The following ATP13A3 variants were observed in gnomAD, a reference collection of about 807,000 sequenced individuals.
The protein encoded by ATP13A3 is ATPase 13A3.
A neutral mutation model predicts 158.1 loss-of-function variants in ATP13A3; 59 were observed. That is an observed-to-expected ratio of 0.37 (90% CI 0.30 to 0.46). The LOEUF (loss-of-function observed/expected upper bound fraction) is 0.46, where lower values mean the gene tolerates loss of function less well. ATP13A3 is among the 20% of genes least tolerant of loss of function. The probability of loss-of-function intolerance (pLI) is 1.00; values close to 1 mark genes in which losing one functional copy is unlikely to be tolerated. For synonymous variants in ATP13A3, 491 were observed against 504.3 expected, an observed-to-expected ratio of 0.97 and a Z score of 0.35; for missense variants, 1,166 against 1,525.2, an observed-to-expected ratio of 0.76 and a Z score of 3.92.
At chr3:194,422,605 T>C (rs2108779776) in intron 30 of ATP13A3, among the ~76,000 whole-genome samples, 1 of 152,278 alleles carries the variant, frequency 6.6e-6, no homozygotes, top group Admixed American at 6.5e-5. Context: ...ATTGAAGTTA[T>C]TATGAAATAT....
At chr3:194,429,641 A>G (rs763238144) in intron 27 of ATP13A3, 37 bp downstream of exon 27, 6 of 1,484,448 alleles carry the variant, frequency 4.0e-6, no homozygotes, top group Admixed American at 3.7e-5. Context: ...TACGGTGCAC[A>G]TTAAGTGTTA....
At chr3:194,427,848 T>C (rs190076981) in intron 28 of ATP13A3, among the ~76,000 whole-genome samples, 4 of 152,182 alleles carry the variant, frequency 2.6e-5, no homozygotes, top group African/African-American at 7.2e-5. Context: ...TTTGAAGCAA[T>C]ATAAACATAG....
rs1156846498 is a variant in ATP13A3 at position 194,459,826 on chromosome 3, T to C, written c.371A>G (p.His124Arg). The change falls in exon 5 of 34, where the codon CAC becomes CGC. Residue 124 changes from histidine (H) to arginine (R), a missense_variant. Transcript: ENST00000645319. ...AGTCTGTGAATATTTACTGATCCTG[T>C]GCCTATTTTCTTCAGTGGGATTCTC... Reference protein sequence around the residue: ...LIENPTEENRHRISKYSQTES... With the variant: ...LIENPTEENRRRISKYSQTES... 1.9e-6 allele frequency: 3 copies of C among 1,613,224 alleles called. No individual in the cohort carries two copies. Among genetic ancestry groups the C allele is most frequent in the Non-Finnish European group, 2.5e-6 (3 of 1,179,582 alleles).
intron 11 of ATP13A3, among the ~76,000 whole-genome samples, chr3:194,449,924 G>C (rs139125712): frequency 9.9e-5 from 15 of 152,144 alleles, no homozygotes; most frequent in African/African-American, 3.6e-4. Context: ...AGAGTAGCCA[G>C]AGTGAGGTCA....
At chr3:194,458,077 C>A (rs1560104298) in intron 6 of ATP13A3, among the ~76,000 whole-genome samples, 2 of 151,992 alleles carry the variant, frequency 1.3e-5, no homozygotes, top group African/African-American at 2.4e-5. Context: ...TGAGCCACCA[C>A]CCCCCGCCTT....
At chr3:194,446,370 A>G (rs1718404452) in intron 14 of ATP13A3, among the ~76,000 whole-genome samples, 1 of 152,084 alleles carries the variant, frequency 6.6e-6, no homozygotes, top group Admixed American at 6.5e-5. Flanking sequence ...AGTTAAGTGA[A>G]CCAGCACATT....
intron 5 of ATP13A3, 97 bp from the exon 6 acceptor site, chr3:194,459,638 T>C: frequency 9.0e-7 from 1 of 1,116,062 alleles, no homozygotes; most frequent in South Asian, 1.6e-5. Flanking sequence ...GGATTATATA[T>C]AGCATTATAT....
rs1718578824 is a variant in ATP13A3 at position 194,448,694 on chromosome 3, G to T, written c.971-58C>A. 9.8e-6 allele frequency: 15 copies of T among 1,537,866 alleles called. No homozygotes were observed. The highest frequency in any genetic ancestry group is 1.3e-5 in the Non-Finnish European group (15 of 1,130,972). On this transcript the variant is annotated intron_variant, in intron 11 of 33. Transcript: ENST00000645319. The surrounding 1 kb of genome is among the most constrained non-coding windows in gnomAD (Gnocchi z 4.0). Reference sequence around the variant, plus strand: ...TTACAAATTATTAAACGAAAGCACAGGAATCAGTATCGAACACCAAAAAAT... The same window carrying T: ...TTACAAATTATTAAACGAAAGCACATGAATCAGTATCGAACACCAAAAAAT...
intron 2 of ATP13A3, among the ~76,000 whole-genome samples, chr3:194,478,137 T>A (rs772410727): frequency 2.0e-5 from 3 of 152,154 alleles, no homozygotes; most frequent in Non-Finnish European, 2.9e-5. Context: ...TAAATTAGCA[T>A]TCTAGCAATA....
intron 17 of ATP13A3, 75 bp downstream of exon 17, chr3:194,438,781 A>C: frequency 9.7e-7 from 1 of 1,030,958 alleles, no homozygotes; most frequent in South Asian, 1.8e-5. Flanking sequence ...TCTATAAAAA[A>C]TAAAAATTGA....
chr3:194,428,326 C>T (rs1414065974), intron 28 of ATP13A3, among the ~76,000 whole-genome samples: 2 of 151,898 alleles, frequency 1.3e-5, no homozygotes, highest in Non-Finnish European at 1.5e-5. Context: ...CCTCATCAAA[C>T]TTTCACTAGT....
chr3:194,443,951 C>T (rs1469037179), intron 15 of ATP13A3, among the ~76,000 whole-genome samples: 1 of 151,964 alleles, frequency 6.6e-6, no homozygotes, highest in Non-Finnish European at 1.5e-5. Context: ...CTAAATGACC[C>T]TCCCTCCAAA....
intron 31 of ATP13A3, among the ~76,000 whole-genome samples, chr3:194,418,374 G>A (rs1284500052): frequency 6.6e-6 from 1 of 151,982 alleles, no homozygotes; most frequent in African/African-American, 2.4e-5. Flanking sequence ...AAAAAGACAA[G>A]CCACAAACTG....
intron 21 of ATP13A3, 103 bp from the exon 22 acceptor site, chr3:194,431,995 G>A: frequency 2.1e-6 from 2 of 941,848 alleles, no homozygotes; most frequent in South Asian, 2.8e-5. Flanking sequence ...TGACTGGGCT[G>A]GCAGAGTAAC....
chr3:194,413,530 ATTGC>A (rs775348357), intron 32 of ATP13A3, among the ~76,000 whole-genome samples: 13 of 152,182 alleles, frequency 8.5e-5, no homozygotes, highest in Non-Finnish European at 1.9e-4. Flanking sequence ...TTATTATCAC[ATTGC>A]TTATTTTCTC....
chr3:194,463,266 T>C (rs1198729602), intron 2 of ATP13A3, among the ~76,000 whole-genome samples: 1 of 151,624 alleles, frequency 6.6e-6, no homozygotes, highest in Non-Finnish European at 1.5e-5. Flanking sequence ...AAAAAATTCA[T>C]TGAGCCCACT....
intron 33 of ATP13A3, among the ~76,000 whole-genome samples, chr3:194,408,176 C>T (rs12695048): frequency 0.3 from 45,141 of 151,782 alleles, 7,773 homozygotes; most frequent in African/African-American, 0.48. Flanking sequence ...CGCGCCACCA[C>T]GCCCGGCTAA....
rs1005780923 is a variant in ATP13A3, at chr3:194,485,847, G to A, written c.-88-12C>T. 4.6e-5 allele frequency: 7 copies of A among 152,210 alleles called. No individual in the cohort carries two copies. Among genetic ancestry groups the A allele is most frequent in the Non-Finnish European group, 7.3e-5 (5 of 68,056 alleles). The allele number at this position is 152,210 out of a possible 1,614,324, so 9.4% of individuals were successfully genotyped here. On this transcript the variant is annotated splice_polypyrimidine_tract_variant and intron_variant, in intron 1 of 33. Coordinates refer to ENST00000645319, the MANE Select transcript of ATP13A3 (RefSeq NM_001367549.1). ...GATGTCTGTCAGATCTATGGGAAGA[G>A]GAAACAATAAACACCTGTCACAAAG...
At chr3:194,438,711 G>A (rs1177554746) in intron 17 of ATP13A3, 145 bp downstream of exon 17, 2 of 453,824 alleles carry the variant, frequency 4.4e-6, no homozygotes, top group Non-Finnish European at 7.4e-6. Context: ...CCAAGGTTGA[G>A]GGGGATCATT....
Sources: gnomAD v4.1 joint callset for allele counts (sites outside exome capture counted in the v4.1 genomes callset) on GRCh38, gnomAD v4.1.1 for gene constraint, Gnocchi (gnomAD v3.1) non-coding constraint, MANE v1.5 for transcripts, NCBI Gene and HGNC (gene_info 2026-07-23, HGNC 2026-07-21) for gene names.